Variants in CLSTN2 observed in about 807,000 individuals in gnomAD.
CLSTN2 encodes the protein calsyntenin-2.
Under a neutral mutation model 101.2 loss-of-function variants are expected in CLSTN2, and 48 were observed. The ratio of observed to expected loss-of-function variants is 0.47; its 90% CI spans 0.38 to 0.60. CLSTN2 has a LOEUF of 0.60. Among genes scored for constraint, CLSTN2 ranks in the 20% least tolerant of loss-of-function variants. The probability of loss-of-function intolerance (pLI) is 0.00; values close to 1 mark genes in which losing one functional copy is unlikely to be tolerated. For missense variants in CLSTN2, 1,160 were observed against 1,238.2 expected (o/e 0.94, Z 0.95); for synonymous variants, 481 against 463.6 (o/e 1.04, Z -0.48).
chr3:140,054,707 G>A (rs2008067374), intron 1 of CLSTN2, among the ~76,000 whole-genome samples: 1 of 152,122 alleles, frequency 6.6e-6, no homozygotes, highest in Admixed American at 6.5e-5. Flanking sequence ...GTTTGTAGGG[G>A]GTGTATGTGA....
intron 2 of CLSTN2, among the ~76,000 whole-genome samples, chr3:140,244,835 A>G (rs2086501194): frequency 6.6e-6 from 1 of 152,210 alleles, no homozygotes; most frequent in Non-Finnish European, 1.5e-5. Flanking sequence ...ATTCTCTGTA[A>G]CACTCCAGCA....
At chr3:140,014,434 G>A (rs968256365) in intron 1 of CLSTN2, among the ~76,000 whole-genome samples, 2 of 152,098 alleles carry the variant, frequency 1.3e-5, no homozygotes, top group South Asian at 4.2e-4. Flanking sequence ...GGCCAGGCTG[G>A]TCTCAAACTC....
chr3:140,419,318 A>G (rs1206907184), intron 4 of CLSTN2, among the ~76,000 whole-genome samples: 1 of 148,900 alleles, frequency 6.7e-6, no homozygotes, highest in Non-Finnish European at 1.5e-5. Flanking sequence ...CCCCATCTCT[A>G]CAAAAAACAC....
At chr3:140,312,274 C>T (rs1326349646) in intron 2 of CLSTN2, among the ~76,000 whole-genome samples, 1 of 152,220 alleles carries the variant, frequency 6.6e-6, no homozygotes, top group Non-Finnish European at 1.5e-5. Flanking sequence ...CGACTTCTTC[C>T]CTTTTGGCAT....
chr3:140,110,715 A>G (rs982447760), intron 1 of CLSTN2, among the ~76,000 whole-genome samples: 1 of 152,146 alleles, frequency 6.6e-6, no homozygotes, highest in African/African-American at 2.4e-5. Flanking sequence ...CAGGTAGGGA[A>G]GGGCTTGCTT....
At chr3:140,470,436 C>T (rs563912969) in intron 8 of CLSTN2, among the ~76,000 whole-genome samples, 1 of 152,328 alleles carries the variant, frequency 6.6e-6, no homozygotes, top group African/African-American at 2.4e-5. Context: ...GTGGAGTTCT[C>T]TGTGGTGCAG....
intron 1 of CLSTN2, among the ~76,000 whole-genome samples, chr3:139,982,286 TA>T (rs1336083601): frequency 2.0e-5 from 3 of 151,998 alleles, no homozygotes; most frequent in African/African-American, 7.2e-5. Context: ...AATTATACTT[TA>T]GGGGGGCTTT....
rs528127013 is a variant in CLSTN2 at position 140,159,005 on chromosome 3, C to T, written c.110-16946C>T. 5.3e-5 allele frequency among the ~76,000 whole-genome samples: 8 copies of T among 152,228 alleles called. No individual in the cohort carries two copies. The East Asian group carries it at 1.5e-3, about 29-fold the overall frequency. On this transcript the variant is annotated intron_variant, in intron 1 of 16. Coordinates refer to ENST00000458420, the MANE Select transcript of CLSTN2 (RefSeq NM_022131.3). ...CAGAAGAATGAAACTGGACCCCTACCTTTTACCATGTGCAAAAATTAACTC... is the reference window on the plus strand; with the variant it reads ...CAGAAGAATGAAACTGGACCCCTACTTTTTACCATGTGCAAAAATTAACTC...
Position 140,154,654 on chromosome 3 carries a change from T to A in CLSTN2, c.110-21297T>A, listed in dbSNP as rs1462419188. The stretch of plus-strand genomic sequence containing the variant: ...GGAAGTATCACCCTTTTTTTTTTTT[T>A]TTTTTTTTGAGACGGAGTCTTGCTC... On this transcript the variant is annotated intron_variant, in intron 1 of 16. Transcript: ENST00000458420. Among the ~76,000 whole-genome samples, 5 of 144,028 alleles carry A rather than the reference T, an allele frequency of 3.5e-5. No individual in the cohort carries two copies. In the East Asian group the frequency reaches 1.0e-3, roughly 30 times the overall value. 94.5% of individuals were successfully genotyped at this position (144,028 alleles called of 152,430 possible). A position where few individuals can be genotyped will look rare whatever the true frequency, so the allele number is the denominator to read the frequency against.
At chr3:140,070,211 T>C (rs1012788675) in intron 1 of CLSTN2, among the ~76,000 whole-genome samples, 3 of 152,258 alleles carry the variant, frequency 2.0e-5, no homozygotes, top group African/African-American at 7.2e-5. Flanking sequence ...AGAGATCTCA[T>C]ATTTGGTGCA....
chr3:140,376,329 C>A (rs2087916562), intron 2 of CLSTN2, among the ~76,000 whole-genome samples: 1 of 152,192 alleles, frequency 6.6e-6, no homozygotes, highest in Non-Finnish European at 1.5e-5. Flanking sequence ...GAGAGGTACT[C>A]AAGGCTGCCC....
chr3:139,999,946 C>A (rs530575483), intron 1 of CLSTN2, among the ~76,000 whole-genome samples: 4 of 111,716 alleles, frequency 3.6e-5, no homozygotes, highest in Non-Finnish European at 5.2e-5. Flanking sequence ...TGGCGTGAAA[C>A]CTTGTCTCAA....
intron 2 of CLSTN2, among the ~76,000 whole-genome samples, chr3:140,254,600 T>C (rs150178627): frequency 1.8e-3 from 279 of 152,250 alleles, no homozygotes; most frequent in African/African-American, 6.6e-3. Flanking sequence ...ATCTACAGTT[T>C]ACAGTGAGAA....
intron 1 of CLSTN2, among the ~76,000 whole-genome samples, chr3:140,050,693 G>T (rs2007973949): frequency 6.6e-6 from 1 of 152,156 alleles, no homozygotes; most frequent in Non-Finnish European, 1.5e-5. Flanking sequence ...GTCAAACCCA[G>T]CCAGACAAGG....
intron 1 of CLSTN2, among the ~76,000 whole-genome samples, chr3:140,086,662 A>G (rs2008688287): frequency 6.6e-6 from 1 of 152,146 alleles, no homozygotes; most frequent in African/African-American, 2.4e-5. Flanking sequence ...TTTCTTTTCT[A>G]AGTGCTCATA....
intron 8 of CLSTN2, among the ~76,000 whole-genome samples, chr3:140,501,623 G>GAGTTGAGTTGTGGA (rs1934578587): frequency 1.3e-5 from 2 of 152,010 alleles, no homozygotes; most frequent in Non-Finnish European, 2.9e-5. Flanking sequence ...CAGCTGGTAA[G>GAGTTGAGTTGTGGA]AGTTGAGTTG....
At chr3:139,978,679 TGTGTGTGTGTG>T (rs1576384063) in intron 1 of CLSTN2, among the ~76,000 whole-genome samples, 2 of 147,404 alleles carry the variant, frequency 1.4e-5, no homozygotes, top group East Asian at 4.3e-4. Context: ...TGTGTGTGTG[TGTGTGTGTGTG>T]TGTGTGTGTG....
At chr3:139,947,339 G>A (rs758935378) in intron 1 of CLSTN2, among the ~76,000 whole-genome samples, 2 of 152,180 alleles carry the variant, frequency 1.3e-5, no homozygotes, top group African/African-American at 2.4e-5. Context: ...ATTGTACTCT[G>A]CCAATACTTA....
At chr3:140,552,210 A>T (rs985297825) in intron 10 of CLSTN2, among the ~76,000 whole-genome samples, 1 of 152,102 alleles carries the variant, frequency 6.6e-6, no homozygotes, top group Non-Finnish European at 1.5e-5. Flanking sequence ...TGCAAGGGCT[A>T]TCTGTCTAGC....
Sources: gnomAD v4.1 joint callset for allele counts (sites outside exome capture counted in the v4.1 genomes callset) on GRCh38, gnomAD v4.1.1 for gene constraint, MANE v1.5 for transcripts, NCBI Gene and HGNC (gene_info 2026-07-23, HGNC 2026-07-21) for gene names.